Variants in WDR97 observed in about 807,000 individuals in gnomAD.
The protein encoded by WDR97 is WD repeat-containing protein 97.
WDR97 carries 111 observed loss-of-function variants against 65.4 expected under a neutral mutation model. That is an observed-to-expected ratio of 1.70 (90% CI 1.45 to 1.99). The LOEUF is 1.99. Ranked by LOEUF, WDR97 falls within the 30% of genes most tolerant of loss-of-function variation. The pLI is 0.00. For missense variants in WDR97, 1,674 were observed against 865.0 expected, an observed-to-expected ratio of 1.94 and a Z score of -11.73; for synonymous variants, 802 against 397.7, an observed-to-expected ratio of 2.02 and a Z score of -12.10.
At chr8:144,108,030 G>A (rs1327116221) in intron 1 of WDR97, 29 bp from the exon 2 acceptor site, 3 of 702,544 alleles carry the variant, frequency 4.3e-6, no homozygotes, top group Non-Finnish European at 5.2e-6. Context: ...GAGGCTGTAG[G>A]TGGCAGAACT....
intron 15 of WDR97, chr8:144,113,040 G>C (rs1836580089): frequency 5.9e-6 from 2 of 336,678 alleles, no homozygotes; most frequent in African/African-American, 4.3e-5. Context: ...GACTCTTTGG[G>C]CCTGGGTGCC....
At chr8:144,109,194 G>A (rs994284221) in intron 4 of WDR97, 24 bp downstream of exon 4, 18 of 702,692 alleles carry the variant, frequency 2.6e-5, no homozygotes, top group Non-Finnish European at 4.2e-5. Flanking sequence ...TCTGCACCCC[G>A]AGCCTCGGCC....
Position 144,108,414 on chromosome 8 carries a change from C to T in WDR97, c.348C>T (p.Asp116=), listed in dbSNP as rs972646126. ...CCGGGCTGCGCTCGGTGGCGCAGGA[C>T]CCGGTGGGTGGACGCTTCGTGGTGC... is the stretch of plus-strand genomic sequence containing the variant. ...VAAGLRSVAQ[D]PVGGRFVVLD... The change falls in exon 3 of 24, where the codon GAC becomes GAT. Residue 116 remains aspartate, a synonymous_variant. Coordinates refer to ENST00000323662, the MANE Select transcript of WDR97 (RefSeq NM_001316309.2). The T allele has an allele frequency of 1.7e-5, 12 of 699,270 alleles. No homozygotes were observed. In the Admixed American group the frequency reaches 1.8e-4, roughly 11 times the overall value. 43.3% of individuals were successfully genotyped at this position (699,270 alleles called of 1,614,324 possible).
chr8:144,109,709 T>C lies in WDR97; in HGVS notation c.1375T>C (p.Ser459Pro). The change falls in exon 5 of 24, where the codon TCG becomes CCG. Residue 459 changes from serine to proline, a missense_variant. Physicochemically the swap from Ser to Pro is moderately conservative, Grantham distance 74. Transcript: ENST00000323662. ...ACADGSVYLL[S>P]AATGRIVSSL... ...CGCCGACGGCTCGGTCTACCTCCTG[T>C]CGGCGGCCACCGGGCGCATAGTGAG... 1 of 679,116 alleles carries C rather than the reference T, an allele frequency of 1.5e-6. No individual in the cohort carries two copies. The highest frequency in any genetic ancestry group is 2.7e-6 in the Non-Finnish European group (1 of 375,324). 42.1% of individuals were successfully genotyped at this position (679,116 alleles called of 1,614,324 possible).
chr8:144,114,832 A>C lies in WDR97; in HGVS notation c.3998A>C (p.Gln1333Pro). Residue 1333 changes from glutamine (Q) to proline (P), a missense_variant, in exon 21 of 24, where the codon CAG becomes CCG. Gln to Pro is a moderately conservative substitution (Grantham distance 76). Transcript: ENST00000323662. ...FLFKEMMTWV[Q>P]GPDLDSKAGL... Reference sequence around the variant, plus strand: ...TTCAAGGAGATGATGACCTGGGTCCAGGGCCCAGACCTGGACTCCAAGGCC... The same window carrying C: ...TTCAAGGAGATGATGACCTGGGTCCCGGGCCCAGACCTGGACTCCAAGGCC... 1.4e-6 allele frequency: 1 copy of C among 702,760 alleles called. No homozygotes were observed. The highest frequency in any genetic ancestry group is 2.6e-6 in the Non-Finnish European group (1 of 384,948). 43.5% of individuals were successfully genotyped at this position (702,760 alleles called of 1,614,324 possible).
At chr8:144,113,112 T>G (rs1009288067) in intron 15 of WDR97, 1 of 463,756 alleles carries the variant, frequency 2.2e-6, no homozygotes, top group African/African-American at 2.0e-5. Context: ...CCCCTGTGCT[T>G]CTTTTAGACT....
chr8:144,114,469 C>G lies in WDR97; in HGVS notation c.3786C>G (p.Ser1262Arg), dbSNP rs1193353699. ...VHLLNLDQPP[S>R]LQDQTQKKFV... ...TGCTCAACCTGGACCAGCCCCCCAG[C>G]CTCCAGGTGTGCCCCTTGTCCTGCC... is the stretch of plus-strand genomic sequence containing the variant. Residue 1262 changes from serine to arginine, a missense_variant, in exon 19 of 24, where the codon AGC becomes AGG. By Grantham distance (110) the Ser-to-Arg change is moderately radical. Coordinates refer to ENST00000323662, the MANE Select transcript of WDR97 (RefSeq NM_001316309.2). 1.4e-6 allele frequency: 1 copy of G among 702,340 alleles called. No individual in the cohort carries two copies. Among genetic ancestry groups the G allele is most frequent in the African/African-American group, 1.7e-5 (1 of 57,212 alleles). 43.5% of individuals were successfully genotyped at this position (702,340 alleles called of 1,614,324 possible). A position where few individuals can be genotyped will look rare whatever the true frequency, so the allele number is the denominator to read the frequency against.
chr8:144,111,266 C>T (rs1156770388), intron 10 of WDR97, 44 bp downstream of exon 10: 1 of 702,714 alleles, frequency 1.4e-6, no homozygotes, highest in East Asian at 2.7e-5. Context: ...CCCTCCTTTC[C>T]CACTCTGGGT....
In WDR97 at chr8:144,112,506, T is replaced by G. The variant is rs1410223795; in HGVS notation, c.3081T>G (p.Phe1027Leu). Residue 1027 changes from phenylalanine (F) to leucine (L), a missense_variant, in exon 15 of 24, where the codon TTT becomes TTG. Coordinates refer to ENST00000323662, the MANE Select transcript of WDR97 (RefSeq NM_001316309.2). Reference protein sequence around the residue: ...KEPLSSLRGFFPATVQPHKHC... With the variant: ...KEPLSSLRGFLPATVQPHKHC... ...CTCTCTCTAGCCTCAGGGGCTTCTT[T>G]CCTGCCACCGTGCAGCCCCACAAGG... 1 of 702,624 alleles carries G rather than the reference T, an allele frequency of 1.4e-6. No homozygotes were observed. Among genetic ancestry groups the G allele is most frequent in the Admixed American group, 2.0e-5 (1 of 50,002 alleles). 43.5% of individuals were successfully genotyped at this position (702,624 alleles called of 1,614,324 possible).
intron 4 of WDR97, 48 bp downstream of exon 4, chr8:144,109,218 CGCTCTAGGCTGTCCAGCATCTCCGCA>C: frequency 1.4e-6 from 1 of 702,252 alleles, no homozygotes; most frequent in Non-Finnish European, 2.6e-6. Context: ...TGCCTCCAGC[CGCTCTAGGCTGTCCAGCATCTCCGCA>C]GCTCCGGCCA....
At position 144,109,045 on chromosome 8, in the gene WDR97, G is replaced by A. The variant is rs1261562077; in HGVS notation, c.879-4G>A. On this transcript the variant is annotated splice_region_variant and splice_polypyrimidine_tract_variant and intron_variant, in intron 3 of 23. Coordinates refer to ENST00000323662, the MANE Select transcript of WDR97 (RefSeq NM_001316309.2). The stretch of plus-strand genomic sequence containing the variant: ...ATTGGGATTCTCCCATTCCCCACCT[G>A]TAGCACCATCTCGGACCTGGCTTAC... The A allele has an allele frequency of 1.4e-6, 1 of 703,094 alleles. No homozygotes were observed. Among genetic ancestry groups the A allele is most frequent in the African/African-American group, 1.7e-5 (1 of 57,260 alleles). The allele number at this position is 703,094 out of a possible 1,614,324, so 43.6% of individuals were successfully genotyped here.
rs2130041586 is a variant in WDR97, at chr8:144,108,658, G to A, written c.592G>A (p.Ala198Thr). Residue 198 changes from alanine to threonine, a missense_variant, in exon 3 of 24, where the codon GCG (alanine) becomes ACG (threonine). Coordinates refer to ENST00000323662, the MANE Select transcript of WDR97 (RefSeq NM_001316309.2). ...GGGGGTGGGCAGGGCCCCGGGTTGG[G>A]CGCCCACCTGCTGCCTGCCGGTTCC... ...EQGVGRAPGW[A>T]PTCCLPVPDL... 1.4e-6 allele frequency: 1 copy of A among 700,562 alleles called. No homozygotes were observed. Among genetic ancestry groups the A allele is most frequent in the South Asian group, 1.5e-5 (1 of 67,496 alleles). The allele number at this position is 700,562 out of a possible 1,614,324, so 43.4% of individuals were successfully genotyped here. A position where few individuals can be genotyped will look rare whatever the true frequency, so the allele number is the denominator to read the frequency against.
At position 144,114,793 on chromosome 8, in the gene WDR97, C is replaced by A; in HGVS notation, c.3959C>A (p.Pro1320Gln). ...KLLHGLGLQD[P>Q]EGFLFKEMMT... ...CTGCACGGGCTGGGCCTTCAGGACC[C>A]AGAGGGCTTCCTATTCAAGGAGATG... is the stretch of plus-strand genomic sequence containing the variant. The change falls in exon 21 of 24, where the codon CCA becomes CAA. Residue 1320 changes from proline (P) to glutamine (Q), a missense_variant. Pro to Gln is a moderately conservative substitution (Grantham distance 76, BLOSUM62 -1). Coordinates refer to ENST00000323662, the MANE Select transcript of WDR97 (RefSeq NM_001316309.2). 1.4e-6 allele frequency: 1 copy of A among 702,584 alleles called. No homozygotes were observed. The highest frequency in any genetic ancestry group is 1.5e-5 in the South Asian group (1 of 67,578). The allele number at this position is 702,584 out of a possible 1,614,324, so 43.5% of individuals were successfully genotyped here. A position where few individuals can be genotyped will look rare whatever the true frequency, so the allele number is the denominator to read the frequency against.
At position 144,108,609 on chromosome 8, in the gene WDR97, C is replaced by G; in HGVS notation, c.543C>G (p.Leu181=). The change falls in exon 3 of 24, where the codon CTC becomes CTG. Residue 181 remains leucine, a synonymous_variant. Coordinates refer to ENST00000323662, the MANE Select transcript of WDR97 (RefSeq NM_001316309.2). The stretch of plus-strand genomic sequence containing the variant: ...GGCTGGCAATTCTGAGGCCCAACCT[C>G]AGCCTGCTGTGGCTGAGCGAGCAGG... ...PAGLAILRPN[L]SLLWLSEQGV... The G allele has an allele frequency of 2.9e-6, 2 of 700,744 alleles. No homozygotes were observed. The highest frequency in any genetic ancestry group is 3.0e-5 in the South Asian group (2 of 67,510). The allele number at this position is 700,744 out of a possible 1,614,324, so 43.4% of individuals were successfully genotyped here. A position where few individuals can be genotyped will look rare whatever the true frequency, so the allele number is the denominator to read the frequency against.
rs778950602 is a variant in WDR97 at position 144,110,953 on chromosome 8, T to C, written c.2261T>C (p.Leu754Pro). ...CTGGCGCTGGGATCCCGCCTCTGCC[T>C]GGTGTCCCACAGGCTCTACCTGCCT... is the stretch of plus-strand genomic sequence containing the variant. ...LVLALGSRLC[L>P]VSHRLYLPTS... The change falls in exon 9 of 24, where the codon CTG becomes CCG. Residue 754 changes from leucine to proline, a missense_variant. Leu to Pro is a moderately conservative substitution (Grantham distance 98). Transcript: ENST00000323662. 1.9e-5 allele frequency: 13 copies of C among 702,660 alleles called. No individual in the cohort carries two copies. The highest frequency in any genetic ancestry group is 3.1e-5 in the Non-Finnish European group (12 of 384,978). 43.5% of individuals were successfully genotyped at this position (702,660 alleles called of 1,614,324 possible).
At position 144,114,664 on chromosome 8, in the gene WDR97, C is replaced by T. The variant is rs888335749; in HGVS notation, c.3903C>T (p.Pro1301=). The T allele has an allele frequency of 1.6e-5, 11 of 702,702 alleles. No homozygotes were observed. The highest frequency in any genetic ancestry group is 7.0e-5 in the African/African-American group (4 of 57,260). The allele number at this position is 702,702 out of a possible 1,614,324, so 43.5% of individuals were successfully genotyped here. ...TCATGTCCTACTTCCTCTACTCTCC[C>T]GTGCACTGCCGGTGAGTTGCGCTCC... The part of the protein sequence containing the change: ...LELMSYFLYS[P]VHCRPELKKL... The change falls in exon 20 of 24, where the codon CCC becomes CCT. Residue 1301 remains proline, a synonymous_variant. Transcript: ENST00000323662.
Position 144,115,429 on chromosome 8 carries a change from T to C in WDR97, c.4166T>C (p.Ile1389Thr), listed in dbSNP as rs1276684045. The change falls in exon 22 of 24, where the codon ATC becomes ACC. Residue 1389 changes from isoleucine to threonine, a missense_variant. Physicochemically the swap from Ile to Thr is moderately conservative, Grantham distance 89 (BLOSUM62 -1). Transcript: ENST00000323662. Reference sequence around the variant, plus strand: ...GGCACCTCCTGGTCGGCCTCCGGCATCTTCGGGAGGCTCTCGCAGGTCTCA... The same window carrying C: ...GGCACCTCCTGGTCGGCCTCCGGCACCTTCGGGAGGCTCTCGCAGGTCTCA... ...PSGTSWSASG[I>T]FGRLSQVSEV... The C allele has an allele frequency of 1.5e-6, 1 of 683,556 alleles. No individual in the cohort carries two copies. The highest frequency in any genetic ancestry group is 1.5e-5 in the South Asian group (1 of 66,492). 42.3% of individuals were successfully genotyped at this position (683,556 alleles called of 1,614,324 possible).
rs1334144749 is a variant in WDR97, at chr8:144,116,106, G to A, written c.4682G>A (p.Arg1561Gln). ...CCGCCCCCAGGCCCCATGCGGTCCCGGCTCTGTGCGGGCCGCACCCTGGAC... is the reference window on the plus strand; with the variant it reads ...CCGCCCCCAGGCCCCATGCGGTCCCAGCTCTGTGCGGGCCGCACCCTGGAC... The part of the protein sequence containing the change: ...AMRLRGPMRS[R>Q]LCAGRTLDGP... The change falls in exon 24 of 24, where the codon CGG becomes CAG. Residue 1561 changes from arginine to glutamine, a missense_variant. Coordinates refer to ENST00000323662, the MANE Select transcript of WDR97 (RefSeq NM_001316309.2). 9.1e-6 allele frequency: 4 copies of A among 437,722 alleles called. No individual in the cohort carries two copies. The highest frequency in any genetic ancestry group is 1.7e-5 in the Non-Finnish European group (4 of 234,014). 27.1% of individuals were successfully genotyped at this position (437,722 alleles called of 1,614,324 possible). A position where few individuals can be genotyped will look rare whatever the true frequency, so the allele number is the denominator to read the frequency against.
chr8:144,115,935 G>C lies in WDR97; in HGVS notation c.4596-8G>C, dbSNP rs1587630495. On this transcript the variant is annotated splice_polypyrimidine_tract_variant and splice_region_variant and intron_variant, in intron 22 of 23. Coordinates refer to ENST00000323662, the MANE Select transcript of WDR97 (RefSeq NM_001316309.2). ...CTGGGCCAGCTGAACCCTCCTCTTT[G>C]CCTCCAGGTACCACCCCATCCTCCG... 7 of 701,066 alleles carry C rather than the reference G, an allele frequency of 1.0e-5. No individual in the cohort carries two copies. The East Asian group carries it at 1.9e-4, about 19-fold the overall frequency. 43.4% of individuals were successfully genotyped at this position (701,066 alleles called of 1,614,324 possible).
Sources: allele counts gnomAD v4.1 joint callset, GRCh38; gene constraint gnomAD v4.1.1; transcripts MANE v1.5; gene names NCBI Gene and HGNC (gene_info 2026-07-23, HGNC 2026-07-21).